RAB17: variants seen among roughly 807,000 people sequenced by gnomAD.
RAB17 encodes ras-related protein Rab-17.
RAB17 carries 15 observed loss-of-function variants against 19.3 expected under a neutral mutation model. The ratio of observed to expected loss-of-function variants is 0.78; its 90% confidence interval spans 0.52 to 1.20. RAB17 has a LOEUF of 1.20. RAB17 is among the 50% of genes most tolerant of loss of function. The pLI, the probability that RAB17 is intolerant of heterozygous loss-of-function variation, is 0.00. For synonymous variants in RAB17, 110 were observed against 112.8 expected (o/e 0.97, Z 0.16); for missense variants, 262 against 269.3 (o/e 0.97, Z 0.19).
chr2:237,589,405 AAATACTT>A (rs2081375672), intron 1 of RAB17, among the ~76,000 whole-genome samples: 1 of 152,212 alleles, frequency 6.6e-6, no homozygotes, highest in Non-Finnish European at 1.5e-5. Context: ...GATGGGTAAG[AAATACTT>A]AATACCAAAG....
At position 237,585,979 on chromosome 2, in the gene RAB17, G is replaced by T. The variant is rs1186712434; in HGVS notation, c.157+19C>A. 1.3e-6 allele frequency: 2 copies of T among 1,578,330 alleles called. No individual in the cohort carries two copies. The highest frequency in any genetic ancestry group is 1.4e-5 in the African/African-American group (1 of 73,784). On this transcript the variant is annotated intron_variant, in intron 2 of 5. Transcript: ENST00000264601. Reference sequence around the variant, plus strand: ...TTCTGCACTGAAGACCAACAAAGGGGTGCTCTGCCCTCACTTACAGCCCAC... The same window carrying T: ...TTCTGCACTGAAGACCAACAAAGGGTTGCTCTGCCCTCACTTACAGCCCAC...
At chr2:237,589,113 GGGAGGCTGAGGCA>G in intron 1 of RAB17, among the ~76,000 whole-genome samples, 1 of 152,084 alleles carries the variant, frequency 6.6e-6, no homozygotes, top group East Asian at 1.9e-4. Flanking sequence ...CCAGCTACTC[GGGAGGCTGAGGCA>G]GGAAAATCGC....
At chr2:237,577,451 G>A (rs1280375639) in intron 3 of RAB17, 69 bp from the exon 4 acceptor site, 12 of 1,508,760 alleles carry the variant, frequency 8.0e-6, no homozygotes, top group Non-Finnish European at 1.8e-6. Context: ...CCGGGAGGGG[G>A]AAGCCAGTGT....
At chr2:237,584,148 C>T (rs959369554) in intron 2 of RAB17, among the ~76,000 whole-genome samples, 7 of 152,038 alleles carry the variant, frequency 4.6e-5, no homozygotes, top group African/African-American at 1.7e-4. Flanking sequence ...ACAGAATGCC[C>T]GGCACCACCC....
At chr2:237,584,361 C>A (rs2081332235) in intron 2 of RAB17, among the ~76,000 whole-genome samples, 1 of 152,120 alleles carries the variant, frequency 6.6e-6, no homozygotes, top group Non-Finnish European at 1.5e-5. Context: ...GCGCTGGCTC[C>A]TGCAGGCTCT....
chr2:237,581,330 T>C (rs2081306982), intron 2 of RAB17, among the ~76,000 whole-genome samples: 1 of 149,600 alleles, frequency 6.7e-6, no homozygotes, highest in South Asian at 2.1e-4. Flanking sequence ...GCTGTGATCA[T>C]ACCACCACAC....
intron 4 of RAB17, chr2:237,575,718 T>C (rs1479176227): frequency 7.8e-6 from 4 of 510,416 alleles, no homozygotes; most frequent in South Asian, 5.4e-5. Context: ...TTCCTCCTCC[T>C]GCAGGGCCTG....
chr2:237,577,552 C>G, intron 3 of RAB17, 170 bp from the exon 4 acceptor site: 1 of 713,598 alleles, frequency 1.4e-6, no homozygotes, highest in Non-Finnish European at 2.2e-6. Flanking sequence ...GGGCACGTTC[C>G]TGTCCTGGGT....
intron 2 of RAB17, among the ~76,000 whole-genome samples, chr2:237,584,031 G>A (rs2081329132): frequency 1.3e-5 from 2 of 151,624 alleles, no homozygotes; most frequent in African/African-American, 4.9e-5. Flanking sequence ...AATTGGTACA[G>A]GCAGGGCAGG....
At chr2:237,577,120 GAGGT>G in intron 4 of RAB17, 133 bp downstream of exon 4, 1 of 1,035,602 alleles carries the variant, frequency 9.7e-7, no homozygotes. Context: ...TGGGCGTGTA[GAGGT>G]GTGTGTGCAC....
chr2:237,577,346 G>A lies in RAB17; in HGVS notation c.346C>T (p.Leu116=). The change falls in exon 4 of 6, where the codon CTG becomes TTG. Residue 116 remains leucine, a synonymous_variant. Coordinates refer to ENST00000264601, the MANE Select transcript of RAB17 (RefSeq NM_022449.4). The stretch of plus-strand genomic sequence containing the variant: ...TCTCCTGGGTGCAGCTCCTCCTCCA[G>A]GTCCTTCAGCCACTGCTGAGCCTTG... ...FLKAQQWLKD[L]EEELHPGEVL... 2 of 1,613,564 alleles carry A rather than the reference G, an allele frequency of 1.2e-6. No individual in the cohort carries two copies. The highest frequency in any genetic ancestry group is 1.7e-6 in the Non-Finnish European group (2 of 1,179,626).
rs552977617 is a variant in RAB17, at chr2:237,584,378, G to GT, written c.157+1619dup. On this transcript the variant is annotated intron_variant, in intron 2 of 5. Coordinates refer to ENST00000264601, the MANE Select transcript of RAB17 (RefSeq NM_022449.4). Reference sequence around the variant, plus strand: ...GCTGGCTCCTGCAGGCTCTGCTAGGGTGGCGTCATGGAGTCCTTCTGTAAA... The same window carrying GT: ...GCTGGCTCCTGCAGGCTCTGCTAGGGTTGGCGTCATGGAGTCCTTCTGTAAA... 8.3e-4 allele frequency among the ~76,000 whole-genome samples: 127 copies of GT among 152,260 alleles called. 5 individuals carry two copies. The South Asian group carries it at 0.025, about 31-fold the overall frequency.
chr2:237,574,336 CAATTT>C lies in RAB17; in HGVS notation c.*678_*682del. 1 of 1,437,736 alleles carries C rather than the reference CAATTT, an allele frequency of 7.0e-7. No homozygotes were observed. Among genetic ancestry groups the C allele is most frequent in the Non-Finnish European group, 9.1e-7 (1 of 1,096,142 alleles). 89.1% of individuals were successfully genotyped at this position (1,437,736 alleles called of 1,614,324 possible). The stretch of plus-strand genomic sequence containing the variant: ...CTTCTAAAAGCCAGATTGTCAAAAG[CAATTT>C]AATTTTTGGAGGAAAAACTGCATAC... On this transcript the variant is annotated 3_prime_UTR_variant, in exon 6 of 6. Transcript: ENST00000264601.
intron 2 of RAB17, among the ~76,000 whole-genome samples, chr2:237,580,439 T>C (rs537800912): frequency 6.6e-6 from 1 of 152,306 alleles, no homozygotes; most frequent in African/African-American, 2.4e-5. Context: ...TCCTTTTCCA[T>C]GTTGAAAATG....
intron 1 of RAB17, among the ~76,000 whole-genome samples, chr2:237,589,220 C>A (rs866340079): frequency 7.5e-4 from 106 of 141,368 alleles, no homozygotes; most frequent in African/African-American, 2.6e-3. Context: ...AATCTGTCTC[C>A]AAAAAAAAAG....
chr2:237,579,086 G>A (rs966833374), intron 2 of RAB17: 4 of 152,210 alleles, frequency 2.6e-5, no homozygotes, highest in Non-Finnish European at 4.4e-5. Context: ...TGGCTTGTCA[G>A]GAATGTGTTA....
chr2:237,579,135 G>A (rs1355729909), intron 2 of RAB17: 1 of 152,240 alleles, frequency 6.6e-6, no homozygotes, highest in Non-Finnish European at 1.5e-5. Flanking sequence ...GGAAGGCAAG[G>A]TGTCTGGGGC....
chr2:237,578,545 C>T (rs1200664539), intron 2 of RAB17: 6 of 172,812 alleles, frequency 3.5e-5, no homozygotes, highest in Admixed American at 1.1e-4. Context: ...GCACCCCCGG[C>T]CTACCGGCCC....
intron 4 of RAB17, 43 bp from the exon 5 acceptor site, chr2:237,575,523 G>T: frequency 6.9e-7 from 1 of 1,439,222 alleles, no homozygotes; most frequent in Non-Finnish European, 9.7e-7. Context: ...TTATAAGAGA[G>T]TTTCCTAAGG....
Sources: gnomAD v4.1 joint callset for allele counts (sites outside exome capture counted in the v4.1 genomes callset) on GRCh38, gnomAD v4.1.1 for gene constraint, MANE v1.5 for transcripts, NCBI Gene and HGNC (gene_info 2026-07-23, HGNC 2026-07-21) for gene names.